Variants in OPHN1 observed in about 807,000 individuals in gnomAD.
OPHN1 encodes the protein oligophrenin 1.
In OPHN1, 11 loss-of-function variants were observed where a neutral mutation model predicts 60.7. The observed-to-expected ratio is 0.18, with a 90% CI of 0.11 to 0.30. The LOEUF is 0.30. OPHN1 is among the 10% of genes least tolerant of loss of function. The pLI, the probability that OPHN1 is intolerant of heterozygous loss-of-function variation, is 1.00. For missense variants in OPHN1, 449 were observed against 611.0 expected, an observed-to-expected ratio of 0.73 and a Z score of 2.80; for synonymous variants, 226 against 222.6, an observed-to-expected ratio of 1.02 and a Z score of -0.14.
intron 2 of OPHN1, among the ~76,000 whole-genome samples, chrX:68,413,950 T>TA (rs1470841038): frequency 1.8e-5 from 2 of 111,524 alleles, no homozygotes; most frequent in African/African-American, 6.5e-5. Context: ...AAGGGAAGAA[T>TA]ATGTGTTAAG....
At chrX:68,280,384 A>C (rs2147602215) in intron 4 of OPHN1, among the ~76,000 whole-genome samples, 1 of 111,643 alleles carries the variant, frequency 9.0e-6, no homozygotes, top group Non-Finnish European at 1.9e-5. Flanking sequence ...AGAAAAATGA[A>C]GTAATTAATC....
chrX:68,146,258 C>G (rs2077263451), intron 15 of OPHN1, among the ~76,000 whole-genome samples: 2 of 111,864 alleles, frequency 1.8e-5, no homozygotes, highest in Non-Finnish European at 3.8e-5. Context: ...CCTCTTTAGG[C>G]AGAGTATATG....
chrX:68,300,666 G>T (rs889897703), intron 2 of OPHN1, among the ~76,000 whole-genome samples: 1 of 112,298 alleles, frequency 8.9e-6, no homozygotes. Flanking sequence ...TATTTTTTCT[G>T]CTCTCCTTGG....
intron 5 of OPHN1, among the ~76,000 whole-genome samples, chrX:68,251,639 T>C (rs1188927747): frequency 1.8e-5 from 2 of 111,485 alleles, no homozygotes; most frequent in Non-Finnish European, 3.8e-5. Flanking sequence ...TAAGTGAAAA[T>C]ATAAGATGAA....
chrX:68,053,937 C>A, intron 21 of OPHN1, 127 bp from the exon 22 acceptor site: 34 of 588,421 alleles, frequency 5.8e-5, no homozygotes, highest in Non-Finnish European at 7.2e-5. Flanking sequence ...TGGTGACTAA[C>A]AACTCTGGCT....
intron 20 of OPHN1, among the ~76,000 whole-genome samples, chrX:68,066,973 G>A (rs1428827307): frequency 8.9e-6 from 1 of 112,420 alleles, no homozygotes; most frequent in Non-Finnish European, 1.9e-5. Flanking sequence ...GAATCAGGAT[G>A]AGACAGGGAG....
chrX:68,319,658 C>G (rs1032772631), intron 2 of OPHN1, among the ~76,000 whole-genome samples: 17 of 109,743 alleles, frequency 1.5e-4, no homozygotes, highest in Non-Finnish European at 3.8e-5. Context: ...ATTGCTCGAG[C>G]CTGGGAGGTG....
At chrX:68,303,755 T>C (rs759689262) in intron 2 of OPHN1, among the ~76,000 whole-genome samples, 1 of 111,209 alleles carries the variant, frequency 9.0e-6, no homozygotes, top group South Asian at 3.8e-4. Context: ...GGATGAGCCT[T>C]GAAGACATTA....
chrX:68,399,826 TTTC>T (rs1236896046), intron 2 of OPHN1, among the ~76,000 whole-genome samples: 1 of 52,452 alleles, frequency 1.9e-5, no homozygotes, highest in Non-Finnish European at 6.0e-5. Flanking sequence ...TTTTTTTTTC[TTTC>T]TTTTTTTTTT....
intron 19 of OPHN1, among the ~76,000 whole-genome samples, chrX:68,082,263 G>A (rs1239117167): frequency 3.6e-5 from 4 of 111,947 alleles, no homozygotes; most frequent in Non-Finnish European, 7.5e-5. Flanking sequence ...TTATTTTGTT[G>A]ATATTTTGAC....
At chrX:68,401,984 G>A (rs931379077) in intron 2 of OPHN1, among the ~76,000 whole-genome samples, 3 of 111,620 alleles carry the variant, frequency 2.7e-5, no homozygotes, top group Non-Finnish European at 5.6e-5. Flanking sequence ...TGAGGAAGCC[G>A]GCAGTGTGGA....
chrX:68,090,242 CTGTGTGTGTGTG>C (rs10549357), intron 19 of OPHN1, among the ~76,000 whole-genome samples: 2 of 98,157 alleles, frequency 2.0e-5, no homozygotes, highest in Non-Finnish European at 2.1e-5. Flanking sequence ...GTGTGTGTGT[CTGTGTGTGTGTG>C]TGTGTGTGTG....
At chrX:68,194,436 C>CTAGT (rs1200905698) in intron 13 of OPHN1, 29 bp downstream of exon 13, 2 of 1,172,749 alleles carry the variant, frequency 1.7e-6, no homozygotes, top group Non-Finnish European at 2.3e-6. Context: ...GTTTATAATG[C>CTAGT]TAGTAGACCA....
chrX:68,049,286 T>C (rs5918806), intron 23 of OPHN1, among the ~76,000 whole-genome samples: 2 of 111,331 alleles, frequency 1.8e-5, no homozygotes, highest in African/African-American at 6.5e-5. Context: ...TTTAAAAAAT[T>C]TGTATAAATT....
intron 2 of OPHN1, among the ~76,000 whole-genome samples, chrX:68,400,072 G>A (rs760001726): frequency 1.8e-4 from 20 of 110,755 alleles, no homozygotes; most frequent in Non-Finnish European, 3.4e-4. Flanking sequence ...CAACCAATCA[G>A]ACTGACTCTG....
intron 6 of OPHN1, among the ~76,000 whole-genome samples, chrX:68,226,778 G>A (rs2077695894): frequency 9.0e-6 from 1 of 111,565 alleles, no homozygotes; most frequent in African/African-American, 3.3e-5. Flanking sequence ...GCAAAGACAT[G>A]CCAAATTGTA....
At chrX:68,197,332 A>T in intron 11 of OPHN1, 68 bp from the exon 12 acceptor site, 1 of 828,299 alleles carries the variant, frequency 1.2e-6, no homozygotes, top group Admixed American at 2.3e-5. Flanking sequence ...CTTGTGATCT[A>T]GGGTCCCTCT....
intron 2 of OPHN1, among the ~76,000 whole-genome samples, chrX:68,356,435 C>T (rs1420395889): frequency 3.7e-5 from 4 of 108,307 alleles, no homozygotes; most frequent in Non-Finnish European, 5.7e-5. Flanking sequence ...TTTTTTGAGA[C>T]AGGGTCTCAC....
chrX:68,266,437 G>C (rs977629067), intron 5 of OPHN1, among the ~76,000 whole-genome samples: 1 of 110,771 alleles, frequency 9.0e-6, no homozygotes, highest in African/African-American at 3.3e-5. Context: ...TAAGCTTCAT[G>C]AGTAAAGGAG....
Sources: allele counts gnomAD v4.1 joint callset (sites outside exome capture counted in the v4.1 genomes callset), GRCh38; gene constraint gnomAD v4.1.1; transcripts MANE v1.5; gene names NCBI Gene and HGNC (gene_info 2026-07-23, HGNC 2026-07-21).